OTUB2: variants seen among roughly 807,000 people sequenced by gnomAD.
OTUB2 encodes OTU deubiquitinase, ubiquitin aldehyde binding 2.
Under a neutral mutation model 25.1 loss-of-function variants are expected in OTUB2, and 21 were observed. The ratio of observed to expected loss-of-function variants is 0.84; its 90% confidence interval spans 0.59 to 1.21. OTUB2 has a LOEUF of 1.21. OTUB2 is among the 50% of genes most tolerant of loss of function. The pLI, the probability that OTUB2 is intolerant of heterozygous loss-of-function variation, is 0.00. For synonymous variants in OTUB2, 122 were observed against 122.8 expected (o/e 0.99, Z 0.04); for missense variants, 283 against 298.0 (o/e 0.95, Z 0.37).
chr14:94,041,441 C>CT (rs1224175406), intron 3 of OTUB2, among the ~76,000 whole-genome samples: 1 of 152,076 alleles, frequency 6.6e-6, no homozygotes, highest in Non-Finnish European at 1.5e-5. Flanking sequence ...TTTTTTCTTT[C>CT]TTTTTTTAAA....
At chr14:94,033,528 T>C (rs1443432255) in intron 1 of OTUB2, among the ~76,000 whole-genome samples, 1 of 152,254 alleles carries the variant, frequency 6.6e-6, no homozygotes, top group Non-Finnish European at 1.5e-5. Flanking sequence ...TTGGTTTTGG[T>C]TTCGGGCAGT....
In OTUB2 at chr14:94,048,376, A is replaced by G. The variant is rs542827803; in HGVS notation, c.*2454A>G. On this transcript the variant is annotated 3_prime_UTR_variant, in exon 6 of 6. Transcript: ENST00000203664. ...GAACAATTAGCAACAGAAAGAGCAC[A>G]GTCCCTGCTTTTGACTGGGTTCCTA... The G allele has an allele frequency of 1.3e-4, 20 of 152,362 alleles. No individual in the cohort carries two copies. The East Asian group carries it at 3.3e-3, about 25-fold the overall frequency. 9.4% of individuals were successfully genotyped at this position (152,362 alleles called of 1,614,324 possible).
intron 2 of OTUB2, among the ~76,000 whole-genome samples, 175 bp from the exon 3 acceptor site, chr14:94,038,788 G>A (rs1050890290): frequency 2.6e-5 from 4 of 152,212 alleles, no homozygotes; most frequent in Non-Finnish European, 5.9e-5. Flanking sequence ...GGACAATGCA[G>A]TGTATTTTTA....
chr14:94,035,813 A>C (rs926511530), intron 1 of OTUB2, among the ~76,000 whole-genome samples: 1 of 152,130 alleles, frequency 6.6e-6, no homozygotes, highest in African/African-American at 2.4e-5. Flanking sequence ...TGTTTGAAAA[A>C]TATCTCACCC....
rs961116774 is a variant in OTUB2, at chr14:94,044,525, G to C, written c.304-61G>C. The C allele has an allele frequency of 2.0e-6, 3 of 1,523,992 alleles. No homozygotes were observed. The African/African-American group carries it at 4.1e-5, about 21-fold the overall frequency. The allele number at this position is 1,523,992 out of a possible 1,614,324, so 94.4% of individuals were successfully genotyped here. On this transcript the variant is annotated intron_variant, in intron 4 of 5. Coordinates refer to ENST00000203664, the MANE Select transcript of OTUB2 (RefSeq NM_023112.4). ...CACGCGAAGGGAGGGAGCGGAGGGA[G>C]AATGCAGAGGGAGGGCTGGGGCTTG...
intron 1 of OTUB2, among the ~76,000 whole-genome samples, chr14:94,035,524 C>T (rs1454043096): frequency 1.3e-5 from 2 of 152,050 alleles, no homozygotes; most frequent in Admixed American, 6.6e-5. Flanking sequence ...CTCCCAACCT[C>T]GTGATCCACC....
intron 1 of OTUB2, among the ~76,000 whole-genome samples, chr14:94,033,488 T>C (rs1376278238): frequency 6.6e-6 from 1 of 152,254 alleles, no homozygotes; most frequent in Non-Finnish European, 1.5e-5. Context: ...AGAGGAAATG[T>C]AGCTGATTTT....
chr14:94,042,783 G>T (rs933525505), intron 3 of OTUB2, among the ~76,000 whole-genome samples: 3 of 152,188 alleles, frequency 2.0e-5, no homozygotes, highest in African/African-American at 7.2e-5. Flanking sequence ...CTGCAGTGGA[G>T]GCCTCGTCCT....
At chr14:94,030,533 G>A (rs550468082) in intron 1 of OTUB2, among the ~76,000 whole-genome samples, 2 of 152,092 alleles carry the variant, frequency 1.3e-5, no homozygotes, top group Non-Finnish European at 1.5e-5. Context: ...GGGAAGGCCC[G>A]GGCCCAGGTC....
At chr14:94,037,545 C>A in intron 2 of OTUB2, 70 bp downstream of exon 2, 4 of 1,092,740 alleles carry the variant, frequency 3.7e-6, no homozygotes, top group Non-Finnish European at 5.3e-6. Flanking sequence ...AATGGTGATG[C>A]CTCTTTGAAG....
intron 1 of OTUB2, among the ~76,000 whole-genome samples, chr14:94,028,066 G>A (rs1402729186): frequency 6.6e-6 from 1 of 152,224 alleles, no homozygotes. Flanking sequence ...CAGTGAGGCC[G>A]CTCACTCTGC....
At chr14:94,027,618 A>C (rs767163397) in intron 1 of OTUB2, among the ~76,000 whole-genome samples, 2 of 152,246 alleles carry the variant, frequency 1.3e-5, no homozygotes, top group Non-Finnish European at 2.9e-5. Flanking sequence ...GGGTGTGCAC[A>C]GATGCCTGGT....
intron 3 of OTUB2, among the ~76,000 whole-genome samples, chr14:94,041,012 G>A (rs1482697290): frequency 6.6e-6 from 1 of 152,230 alleles, no homozygotes; most frequent in East Asian, 1.9e-4. Flanking sequence ...GCTGGCTGCT[G>A]TGTGCAGGAC....
rs191131199 is a variant in OTUB2 at position 94,032,478 on chromosome 14, G to A, written c.4-4902G>A. 8.5e-5 allele frequency among the ~76,000 whole-genome samples: 13 copies of A among 152,258 alleles called. No individual in the cohort carries two copies. In the East Asian group the frequency reaches 1.2e-3, roughly 14 times the overall value. ...GAGACAGAAAAGTAGAAAGGTGGTC[G>A]CCAGAGACTGGGGGCAAGGGGATGG... On this transcript the variant is annotated intron_variant, in intron 1 of 5. Transcript: ENST00000203664.
Position 94,044,056 on chromosome 14 carries a change from G to GT in OTUB2, c.303+2dup, listed in dbSNP as rs770359529. The GT allele has an allele frequency of 1.2e-6, 2 of 1,613,788 alleles. No homozygotes were observed. Among genetic ancestry groups the GT allele is most frequent in the Admixed American group, 1.7e-5 (1 of 60,030 alleles). On this transcript the variant is annotated splice_donor_variant, in intron 4 of 5. Coordinates refer to ENST00000203664, the MANE Select transcript of OTUB2 (RefSeq NM_023112.4). LOFTEE classifies it high-confidence loss of function. The stretch of plus-strand genomic sequence containing the variant: ...CAAGTTCAGAAACTTCTTCAATGCT[G>GT]TGAGTTCACCTGGTCCCTCCTTCCA...
At chr14:94,041,359 C>T (rs991549231) in intron 3 of OTUB2, among the ~76,000 whole-genome samples, 3 of 152,032 alleles carry the variant, frequency 2.0e-5, no homozygotes, top group Non-Finnish European at 1.5e-5. Flanking sequence ...AGGTATAAGG[C>T]TGGCGTTCAG....
At chr14:94,026,969 C>G (rs1356021349) in intron 1 of OTUB2, among the ~76,000 whole-genome samples, 1 of 152,252 alleles carries the variant, frequency 6.6e-6, no homozygotes, top group Middle Eastern at 3.2e-3. Context: ...CCTCCTGGCC[C>G]CTGCCCCAAC....
intron 1 of OTUB2, among the ~76,000 whole-genome samples, chr14:94,033,258 AT>A (rs1312881413): frequency 2.0e-5 from 3 of 152,118 alleles, no homozygotes; most frequent in African/African-American, 7.2e-5. Context: ...GCTTAAGTAG[AT>A]TTGTCAAAAA....
chr14:94,038,612 T>G (rs1885102827), intron 2 of OTUB2, among the ~76,000 whole-genome samples: 1 of 141,258 alleles, frequency 7.1e-6, no homozygotes, highest in Admixed American at 7.1e-5. Context: ...CTCCCGATTC[T>G]CAGTGCTGCT....
Sources: gnomAD v4.1 joint callset for allele counts (sites outside exome capture counted in the v4.1 genomes callset) on GRCh38, gnomAD v4.1.1 for gene constraint, MANE v1.5 for transcripts, NCBI Gene and HGNC (gene_info 2026-07-23, HGNC 2026-07-21) for gene names.